Variants in SPACA1 observed in about 807,000 individuals in gnomAD.
The protein encoded by SPACA1 is sperm acrosome associated 1, also known as sperm acrosome membrane-associated protein 1.
A neutral mutation model predicts 32.6 loss-of-function variants in SPACA1; 17 were observed. The ratio of observed to expected loss-of-function variants is 0.52; its 90% CI spans 0.36 to 0.78. The LOEUF is 0.78. SPACA1 is among the 30% of genes least tolerant of loss of function. The pLI, the probability that SPACA1 is intolerant of heterozygous loss-of-function variation, is 0.01. For missense variants in SPACA1, 363 were observed against 373.4 expected (o/e 0.97, Z 0.23); for synonymous variants, 140 against 138.1 (o/e 1.01, Z -0.10).
intron 2 of SPACA1, 106 bp downstream of exon 2, chr6:88,054,108 C>T (rs1775771291): frequency 2.3e-6 from 2 of 866,624 alleles, no homozygotes; most frequent in South Asian, 1.8e-5. Flanking sequence ...TCATGCATCT[C>T]TCATGGATTT....
At chr6:88,047,806 C>T (rs996916620), upstream of SPACA1, 3 of 1,185,582 alleles carry the variant, frequency 2.5e-6, no homozygotes, top group African/African-American at 3.1e-5. Flanking sequence ...GATTCGGAGC[C>T]GGGCGGCTAC....
In SPACA1 at chr6:88,059,514, T is replaced by C. The variant is rs61739907; in HGVS notation, c.536T>C (p.Leu179Ser). The change falls in exon 5 of 7, where the codon TTG (leucine) becomes TCG (serine). Residue 179 changes from leucine to serine, a missense_variant. Coordinates refer to ENST00000237201, the MANE Select transcript of SPACA1 (RefSeq NM_030960.3). ...ILEVRKESHP[L>S]AFECDTLDNN... The stretch of plus-strand genomic sequence containing the variant: ...GAAGTACGCAAGGAAAGTCACCCCT[T>C]GGCTTTCGAGTGTGACACACTGGAT... The C allele has an allele frequency of 2.1e-4, 346 of 1,613,646 alleles. 2 individuals are homozygous for C. In the African/African-American group the frequency reaches 4.1e-3, roughly 19 times the overall value.
At position 88,047,961 on chromosome 6, in the gene SPACA1, T is replaced by G; in HGVS notation, c.56T>G (p.Leu19Arg). 1 of 1,571,626 alleles carries G rather than the reference T, an allele frequency of 6.4e-7. No individual in the cohort carries two copies. The highest frequency in any genetic ancestry group is 8.6e-7 in the Non-Finnish European group (1 of 1,159,508). ...GGGCTGCTGATGACTGTCGGCTGGC[T>G]GCTTCTGGCGGGCCTCCAGTCCGCG... ...SAGLLMTVGW[L>R]LLAGLQSARG... The change falls in exon 1 of 7, where the codon CTG becomes CGG. Residue 19 changes from leucine to arginine, a missense_variant. Physicochemically the swap from Leu to Arg is moderately radical, Grantham distance 102. Coordinates refer to ENST00000237201, the MANE Select transcript of SPACA1 (RefSeq NM_030960.3).
rs577341539 is a variant in SPACA1, at chr6:88,064,648, T to C, written c.731+429T>C. ...GTCTGAGGGCTCATATACTATCGAT[T>C]TGTAGCTGATGCATCGCAAACTAAA... On this transcript the variant is annotated intron_variant, in intron 6 of 6. Coordinates refer to ENST00000237201, the MANE Select transcript of SPACA1 (RefSeq NM_030960.3). Among the ~76,000 whole-genome samples the C allele has an allele frequency of 4.0e-4, 60 of 151,638 alleles. 1 individual carries two copies. In the South Asian group the frequency reaches 0.012, roughly 31 times the overall value.
intron 6 of SPACA1, among the ~76,000 whole-genome samples, chr6:88,065,256 A>G (rs114457811): frequency 6.7e-6 from 1 of 148,724 alleles, no homozygotes; most frequent in Non-Finnish European, 1.5e-5. Context: ...TGTAATATAT[A>G]TGTATCACAG....
chr6:88,059,684 T>TC (rs1775863987), intron 5 of SPACA1, 96 bp downstream of exon 5: 3 of 1,209,200 alleles, frequency 2.5e-6, no homozygotes. Flanking sequence ...TCTCTAGCCC[T>TC]CCCCCCAGAG....
chr6:88,047,302 T>C (rs1775651322), upstream of SPACA1, among the ~76,000 whole-genome samples: 2 of 152,180 alleles, frequency 1.3e-5, no homozygotes, highest in African/African-American at 4.8e-5. Flanking sequence ...ATGAGGGACT[T>C]GGAGTATCAG....
chr6:88,049,679 C>T (rs922645018), intron 1 of SPACA1, among the ~76,000 whole-genome samples: 1 of 152,008 alleles, frequency 6.6e-6, no homozygotes, highest in African/African-American at 2.4e-5. Context: ...GTGAAAACAA[C>T]TGTGTTAGAA....
chr6:88,059,704 C>G lies in SPACA1; in HGVS notation c.610+116C>G, dbSNP rs554428253. 1.3e-5 allele frequency: 14 copies of G among 1,078,342 alleles called. 1 individual carries two copies. In the South Asian group the frequency reaches 2.7e-4, roughly 21 times the overall value. The allele number at this position is 1,078,342 out of a possible 1,614,324, so 66.8% of individuals were successfully genotyped here. A position where few individuals can be genotyped will look rare whatever the true frequency, so the allele number is the denominator to read the frequency against. ...AGCCCTCCCCCCAGAGTTTCTGATT[C>G]AGTAGATTTGGGATGGGACTGGAAC... On this transcript the variant is annotated intron_variant, in intron 5 of 6. Transcript: ENST00000237201.
chr6:88,059,389 A>T, intron 4 of SPACA1, 64 bp from the exon 5 acceptor site: 1 of 1,380,188 alleles, frequency 7.2e-7, no homozygotes. Flanking sequence ...AGGGAAATAA[A>T]TTGTTTCCTG....
chr6:88,066,505 A>G lies in SPACA1; in HGVS notation c.*170A>G. 2.1e-6 allele frequency: 1 copy of G among 466,118 alleles called. No individual in the cohort carries two copies. 28.9% of individuals were successfully genotyped at this position (466,118 alleles called of 1,614,324 possible). On this transcript the variant is annotated 3_prime_UTR_variant, in exon 7 of 7. Coordinates refer to ENST00000237201, the MANE Select transcript of SPACA1 (RefSeq NM_030960.3). ...TTTTATCAGTGCATTTTTCCAGTACAGTTATCAAATATTACTTTTAATTTG... is the reference window on the plus strand; with the variant it reads ...TTTTATCAGTGCATTTTTCCAGTACGGTTATCAAATATTACTTTTAATTTG...
intron 5 of SPACA1, among the ~76,000 whole-genome samples, chr6:88,063,836 A>G (rs545757736): frequency 6.6e-6 from 1 of 152,320 alleles, no homozygotes; most frequent in South Asian, 2.1e-4. Context: ...GAATTGATAG[A>G]GGAATGGATA....
At chr6:88,049,536 A>G (rs1775697540) in intron 1 of SPACA1, among the ~76,000 whole-genome samples, 2 of 152,216 alleles carry the variant, frequency 1.3e-5, no homozygotes, top group African/African-American at 4.8e-5. Flanking sequence ...TTCCAGAACC[A>G]TTATTGAAAT....
At position 88,065,560 on chromosome 6, in the gene SPACA1, A is replaced by C. The variant is rs143994424; in HGVS notation, c.732-622A>C. 3.0e-3 allele frequency among the ~76,000 whole-genome samples: 454 copies of C among 150,244 alleles called. 6 individuals are homozygous for C. The highest frequency in any genetic ancestry group is 0.03 in the East Asian group (155 of 5,156). ...ATTCATTTTTAGTTTATGATGCATC[A>C]GCTAGATGCATCATCACAATGAATT... is the stretch of plus-strand genomic sequence containing the variant. On this transcript the variant is annotated intron_variant, in intron 6 of 6. Transcript: ENST00000237201.
chr6:88,065,196 C>T (rs1417618762), intron 6 of SPACA1, among the ~76,000 whole-genome samples: 1 of 148,076 alleles, frequency 6.8e-6, no homozygotes, highest in African/African-American at 2.5e-5. Context: ...TATGTATATA[C>T]ATACATATAC....
rs1482627574 is a variant in SPACA1 at position 88,066,194 on chromosome 6, G to C, written c.744G>C (p.Lys248Asn). ...IFIIINWAAV[K>N]AFWGAKASTP... ...TTTTTTCTTCCAGGGCAGCAGTCAA[G>C]GCTTTCTGGGGGGCAAAAGCCTCTA... The change falls in exon 7 of 7, where the codon AAG (lysine) becomes AAC (asparagine). Residue 248 changes from lysine to asparagine, a missense_variant. Lys to Asn is a moderately conservative substitution (Grantham distance 94). Transcript: ENST00000237201. The C allele has an allele frequency of 6.3e-7, 1 of 1,584,708 alleles. No homozygotes were observed. Among genetic ancestry groups the C allele is most frequent in the Non-Finnish European group, 8.6e-7 (1 of 1,164,282 alleles).
At chr6:88,060,734 A>G (rs1229625705) in intron 5 of SPACA1, among the ~76,000 whole-genome samples, 1 of 152,222 alleles carries the variant, frequency 6.6e-6, no homozygotes, top group African/African-American at 2.4e-5. Flanking sequence ...TATCTCAACT[A>G]GCCCTCGTTC....
intron 1 of SPACA1, among the ~76,000 whole-genome samples, chr6:88,050,907 C>T (rs1402973389): frequency 6.6e-6 from 1 of 152,130 alleles, no homozygotes. Flanking sequence ...CCCAGTGCTT[C>T]GGAAGGCCGA....
intron 2 of SPACA1, among the ~76,000 whole-genome samples, chr6:88,056,940 T>C (rs897422148): frequency 6.6e-6 from 1 of 152,202 alleles, no homozygotes; most frequent in African/African-American, 2.4e-5. Flanking sequence ...TAGGTTCTCC[T>C]CTCTATATTT....
Sources: allele counts gnomAD v4.1 joint callset (sites outside exome capture counted in the v4.1 genomes callset), GRCh38; gene constraint gnomAD v4.1.1; transcripts MANE v1.5; gene names NCBI Gene and HGNC (gene_info 2026-07-23, HGNC 2026-07-21).